The following TMEM114 variants were observed in gnomAD, a reference collection of about 807,000 sequenced individuals.
The protein encoded by TMEM114 is claudin-26.
In TMEM114, 6 loss-of-function variants were observed where a neutral mutation model predicts 6.2. The observed-to-expected ratio is 0.97, with a 90% confidence interval of 0.53 to 1.91. TMEM114 has a LOEUF of 1.91. Ranked by LOEUF, TMEM114 falls within the 40% of genes most tolerant of loss-of-function variation. The pLI, the probability that TMEM114 is intolerant of heterozygous loss-of-function variation, is 0.01. For synonymous variants in TMEM114, 104 were observed against 73.0 expected, an observed-to-expected ratio of 1.42 and a Z score of -2.16; for missense variants, 218 against 158.3, an observed-to-expected ratio of 1.38 and a Z score of -2.02.
intron 2 of TMEM114, among the ~76,000 whole-genome samples, chr16:8,575,773 A>C (rs190660888): frequency 3.3e-4 from 51 of 152,348 alleles, no homozygotes; most frequent in African/African-American, 1.2e-3. Flanking sequence ...CATAAACCTA[A>C]TACAAGTGTT....
intron 2 of TMEM114, among the ~76,000 whole-genome samples, chr16:8,583,898 T>G (rs1019661691): frequency 2.0e-5 from 3 of 152,156 alleles, no homozygotes; most frequent in Non-Finnish European, 4.4e-5. Context: ...CTTCCCACCC[T>G]TATCTGTGGA....
At chr16:8,562,805 T>G (rs1486699045) in intron 2 of TMEM114, among the ~76,000 whole-genome samples, 1 of 149,606 alleles carries the variant, frequency 6.7e-6, no homozygotes, top group Non-Finnish European at 1.5e-5. Context: ...AGTGAATGAG[T>G]GAGTAAATGA....
chr16:8,538,200 G>A (rs1476203982), intron 2 of TMEM114, among the ~76,000 whole-genome samples: 2 of 150,442 alleles, frequency 1.3e-5, no homozygotes, highest in East Asian at 3.9e-4. Context: ...AGCTACTCAG[G>A]AGGCTGAAGT....
At chr16:8,587,810 T>G (rs941258232) in intron 2 of TMEM114, among the ~76,000 whole-genome samples, 59 of 152,250 alleles carry the variant, frequency 3.9e-4, no homozygotes, top group African/African-American at 1.3e-3. Context: ...GCCACTGCAT[T>G]CCAGCCTGGG....
intron 2 of TMEM114, among the ~76,000 whole-genome samples, chr16:8,562,125 TGA>T (rs1453890217): frequency 4.0e-5 from 6 of 151,210 alleles, no homozygotes; most frequent in Non-Finnish European, 7.4e-5. Context: ...AGTAAGTGAA[TGA>T]GTGAGTGAAT....
chr16:8,582,122 C>A (rs756266296), intron 2 of TMEM114, among the ~76,000 whole-genome samples: 1 of 152,222 alleles, frequency 6.6e-6, no homozygotes, highest in Non-Finnish European at 1.5e-5. Context: ...ATTTTTCCAA[C>A]CTCGCCTCCT....
intron 2 of TMEM114, among the ~76,000 whole-genome samples, chr16:8,544,433 A>G (rs1900600094): frequency 6.6e-6 from 1 of 152,208 alleles, no homozygotes; most frequent in Admixed American, 6.5e-5. Flanking sequence ...GTGATATTTG[A>G]GCAGGGTCTT....
downstream of TMEM114, among the ~76,000 whole-genome samples, chr16:8,566,521 G>A (rs1251216374): frequency 6.6e-6 from 1 of 152,108 alleles, no homozygotes; most frequent in Non-Finnish European, 1.5e-5. Flanking sequence ...CAACAGAATG[G>A]ATCAGAATAG....
At chr16:8,559,443 G>C (rs1272628685) in intron 2 of TMEM114, among the ~76,000 whole-genome samples, 2 of 152,196 alleles carry the variant, frequency 1.3e-5, no homozygotes, top group Non-Finnish European at 2.9e-5. Context: ...AAGCATTACA[G>C]GTGAATCCTC....
chr16:8,567,719 T>G (rs764088080), downstream of TMEM114, among the ~76,000 whole-genome samples: 3 of 152,196 alleles, frequency 2.0e-5, no homozygotes, highest in Non-Finnish European at 2.9e-5. Flanking sequence ...CTGCAGTATT[T>G]AATCCAGCAC....
intron 2 of TMEM114, among the ~76,000 whole-genome samples, chr16:8,555,983 C>T (rs1046674084): frequency 6.6e-6 from 1 of 152,212 alleles, no homozygotes; most frequent in Non-Finnish European, 1.5e-5. Context: ...GCGCTGTCTT[C>T]CAGCATGAAT....
chr16:8,527,436 T>C, the TMEM114 span, among the ~76,000 whole-genome samples: 1 of 152,186 alleles, frequency 6.6e-6, no homozygotes, highest in East Asian at 1.9e-4. Context: ...CTCAGTCCTC[T>C]TGTCTGTGAG....
At chr16:8,558,382 C>T (rs886293172) in intron 2 of TMEM114, among the ~76,000 whole-genome samples, 8 of 152,182 alleles carry the variant, frequency 5.3e-5, no homozygotes, top group African/African-American at 1.9e-4. Context: ...TGGCTTGTGG[C>T]AGCATCTCTC....
intron 2 of TMEM114, among the ~76,000 whole-genome samples, chr16:8,562,076 GTGAA>G (rs1242353924): frequency 1.3e-5 from 2 of 150,830 alleles, no homozygotes; most frequent in Non-Finnish European, 3.0e-5. Flanking sequence ...AAATGAGTGA[GTGAA>G]TGAATGAGTG....
rs772455906 is a variant in TMEM114 at position 8,560,538 on chromosome 16, C to T, written n.213-22712G>A. 1.1e-4 allele frequency among the ~76,000 whole-genome samples: 16 copies of T among 152,074 alleles called. No homozygotes were observed. In the East Asian group the frequency reaches 1.5e-3, roughly 15 times the overall value. ...CGCACTTCCTGCTGGCTCCAAAAGG[C>T]GGGTTGTTTATTCTCAAGGAAGAAA... On this transcript the variant is annotated intron_variant and non_coding_transcript_variant, in intron 2 of 2. Transcript: ENST00000623677.
intron 2 of TMEM114, among the ~76,000 whole-genome samples, chr16:8,562,802 G>C (rs555097974): frequency 6.6e-6 from 1 of 150,986 alleles, no homozygotes; most frequent in East Asian, 1.9e-4. Context: ...GTGAGTGAAT[G>C]AGTGAGTAAA....
At chr16:8,554,310 C>G (rs557271033) in intron 2 of TMEM114, among the ~76,000 whole-genome samples, 2 of 152,198 alleles carry the variant, frequency 1.3e-5, no homozygotes, top group Admixed American at 6.5e-5. Flanking sequence ...AATTCCAGCC[C>G]TTTGGGAGGC....
chr16:8,527,460 G>C, the TMEM114 span, among the ~76,000 whole-genome samples: 5 of 152,118 alleles, frequency 3.3e-5, no homozygotes, highest in Non-Finnish European at 5.9e-5. Flanking sequence ...AGCATAAAAT[G>C]GACACTTCCC....
chr16:8,559,518 G>A (rs1319553837), intron 2 of TMEM114, among the ~76,000 whole-genome samples: 15 of 152,228 alleles, frequency 9.9e-5, no homozygotes, highest in African/African-American at 1.9e-4. Context: ...GTGGGTGCAG[G>A]AGGGAGCAAA....
Sources: allele counts gnomAD v4.1 joint callset (sites outside exome capture counted in the v4.1 genomes callset), GRCh38; gene constraint gnomAD v4.1.1; transcripts MANE v1.5; gene names NCBI Gene and HGNC (gene_info 2026-07-23, HGNC 2026-07-21).